RNF213: variants seen among roughly 807,000 people sequenced by gnomAD.
RNF213 encodes E3 ubiquitin-protein ligase RNF213.
A neutral mutation model predicts 514.4 loss-of-function variants in RNF213; 341 were observed. The observed-to-expected ratio is 0.66, with a 90% CI of 0.61 to 0.73. RNF213 has a LOEUF of 0.73. RNF213 is among the 30% of genes least tolerant of loss of function. The pLI is 0.00. For synonymous variants in RNF213, 2,655 were observed against 2,658.2 expected (o/e 1.00, Z 0.04); for missense variants, 5,767 against 6,615.6 (o/e 0.87, Z 4.45).
intron 22 of RNF213, among the ~76,000 whole-genome samples, chr17:80,335,448 G>A (rs2077962087): frequency 6.6e-6 from 1 of 152,106 alleles, no homozygotes; most frequent in African/African-American, 2.4e-5. Context: ...TTTCAGTGGT[G>A]GACTCTCTGG....
At chr17:80,327,684 A>G (rs918316773) in intron 18 of RNF213, 132 bp from the exon 19 acceptor site, 18 of 727,110 alleles carry the variant, frequency 2.5e-5, no homozygotes, top group Non-Finnish European at 3.8e-5. Context: ...GCATCTGGAG[A>G]CACTGGCCAG....
intron 42 of RNF213, among the ~76,000 whole-genome samples, chr17:80,365,923 G>C (rs188027943): frequency 2.6e-5 from 4 of 152,158 alleles, no homozygotes; most frequent in Admixed American, 2.6e-4. Flanking sequence ...TGGGAGGTTA[G>C]GAACGTGGGG....
In RNF213 at chr17:80,294,801, C is replaced by T. The variant is rs1287046507; in HGVS notation, c.1553C>T (p.Pro518Leu). The change falls in exon 9 of 68, where the codon CCG (proline) becomes CTG (leucine). Residue 518 changes from proline to leucine, a missense_variant. Physicochemically the swap from Pro to Leu is moderately conservative, Grantham distance 98. Coordinates refer to ENST00000582970, the MANE Select transcript of RNF213 (RefSeq NM_001256071.3). Reference sequence around the variant, plus strand: ...GTCATGAACCACATCACAGACGGGCCGAGGAAGGACCTGGTGAAGGGGAAG... The same window carrying T: ...GTCATGAACCACATCACAGACGGGCTGAGGAAGGACCTGGTGAAGGGGAAG... ...QKVMNHITDG[P>L]RKDLVKGKQI... The T allele has an allele frequency of 6.2e-6, 10 of 1,614,132 alleles. No individual in the cohort carries two copies. The highest frequency in any genetic ancestry group is 2.2e-5 in the East Asian group (1 of 44,886).
chr17:80,293,220 G>A (rs1246354670), intron 8 of RNF213, among the ~76,000 whole-genome samples: 1 of 151,826 alleles, frequency 6.6e-6, no homozygotes, highest in African/African-American at 2.4e-5. Flanking sequence ...ACCATGTCTG[G>A]CAAATTTTTC....
chr17:80,305,520 C>G (rs890139194), intron 11 of RNF213, among the ~76,000 whole-genome samples: 4 of 151,832 alleles, frequency 2.6e-5, no homozygotes, highest in Non-Finnish European at 5.9e-5. Flanking sequence ...CCTTGTAGAA[C>G]AGGGCTACCC....
At chr17:80,281,187 CAT>C (rs766973852) in intron 3 of RNF213, among the ~76,000 whole-genome samples, 11 of 130,682 alleles carry the variant, frequency 8.4e-5, no homozygotes, top group Non-Finnish European at 1.8e-4. Flanking sequence ...TCCACACACA[CAT>C]ACCCCACTCA....
intron 10 of RNF213, 73 bp from the exon 11 acceptor site, chr17:80,298,248 T>G: frequency 4.6e-6 from 7 of 1,510,528 alleles, no homozygotes; most frequent in Non-Finnish European, 6.4e-6. Flanking sequence ...TGCTTCCTGT[T>G]GGGACTCCAG....
intron 29 of RNF213, among the ~76,000 whole-genome samples, chr17:80,349,055 A>G (rs2078410634): frequency 6.6e-6 from 1 of 151,910 alleles, no homozygotes; most frequent in African/African-American, 2.4e-5. Flanking sequence ...ACCGAGAGAT[A>G]CTCAGGAGGC....
In RNF213 at chr17:80,377,700, T is replaced by G; in HGVS notation, c.13511-62T>G. On this transcript the variant is annotated intron_variant, in intron 53 of 67. Transcript: ENST00000582970. This position sits in a 1 kb window ranked among gnomAD's most constrained non-coding sequence, Gnocchi z 4.1. ...CAGAGAGTAGAGAGTTAGCTTTCCCTTTTCAATGTGGGTCATTGGGTGAAA... is the reference window on the plus strand; with the variant it reads ...CAGAGAGTAGAGAGTTAGCTTTCCCGTTTCAATGTGGGTCATTGGGTGAAA... The G allele has an allele frequency of 6.3e-7, 1 of 1,587,212 alleles. No individual in the cohort carries two copies. Among genetic ancestry groups the G allele is most frequent in the Non-Finnish European group, 8.7e-7 (1 of 1,155,442 alleles).
intron 16 of RNF213, 39 bp from the exon 17 acceptor site, chr17:80,319,151 T>C: frequency 6.2e-7 from 1 of 1,614,116 alleles, no homozygotes; most frequent in Non-Finnish European, 8.5e-7. Context: ...GAGCGCTGCA[T>C]CCGAAAGCTC....
At chr17:80,262,361 C>T (rs528606482) in intron 1 of RNF213, among the ~76,000 whole-genome samples, 6 of 152,324 alleles carry the variant, frequency 3.9e-5, no homozygotes, top group African/African-American at 1.4e-4. Context: ...AAAGAGAAGA[C>T]TGCAGAAGAC....
chr17:80,278,840 C>A, intron 3 of RNF213: 26 of 1,537,176 alleles, frequency 1.7e-5, no homozygotes, highest in Non-Finnish European at 2.3e-5. Context: ...AATGCCATAC[C>A]CAGCAAGAGA....
At position 80,343,648 on chromosome 17, in the gene RNF213, T is replaced by A. The variant is rs1384580069; in HGVS notation, c.6184-209T>A. Among the ~76,000 whole-genome samples the A allele has an allele frequency of 5.3e-5, 8 of 152,214 alleles. No individual in the cohort carries two copies. The highest frequency in any genetic ancestry group is 9.7e-5 in the African/African-American group (4 of 41,450). Reference sequence around the variant, plus strand: ...GGAGCCAATTGTAAAACGGTGTATTTATGTGTCTAAACATAAAAATGGTAC... The same window carrying A: ...GGAGCCAATTGTAAAACGGTGTATTAATGTGTCTAAACATAAAAATGGTAC... On this transcript the variant is annotated intron_variant, in intron 27 of 67. Coordinates refer to ENST00000582970, the MANE Select transcript of RNF213 (RefSeq NM_001256071.3). The surrounding 1 kb of genome is among the most constrained non-coding windows in gnomAD (Gnocchi z 4.3).
chr17:80,354,148 G>A lies in RNF213; in HGVS notation c.10708G>A (p.Glu3570Lys). 3 of 1,613,976 alleles carry A rather than the reference G, an allele frequency of 1.9e-6. No homozygotes were observed. The highest frequency in any genetic ancestry group is 1.7e-4 in the Middle Eastern group (1 of 6,010). ...RVVLLLGLLN[E>K]DDACHASFLR... ...GGTGCTCCTCCTGGGCCTCTTGAAT[G>A]AGGATGACGCGTGCCACGGTATGAG... is the stretch of plus-strand genomic sequence containing the variant. Residue 3570 changes from glutamate (E) to lysine (K), a missense_variant, in exon 35 of 68, where the codon GAG becomes AAG. Physicochemically the swap from Glu to Lys is moderately conservative, Grantham distance 56. Around this residue, in one of 13 missense-constraint regions of RNF213, gnomAD observed 919 missense variants for 1,121.0 expected, o/e 0.82. Coordinates refer to ENST00000582970, the MANE Select transcript of RNF213 (RefSeq NM_001256071.3).
chr17:80,350,589 A>G (rs552991791), intron 31 of RNF213, among the ~76,000 whole-genome samples, 193 bp downstream of exon 31: 4 of 152,246 alleles, frequency 2.6e-5, no homozygotes, highest in Non-Finnish European at 2.9e-5. Flanking sequence ...GGCCAATAAC[A>G]TTACAAAAAT....
At chr17:80,366,672 A>G (rs894093453) in intron 42 of RNF213, among the ~76,000 whole-genome samples, 24 of 152,170 alleles carry the variant, frequency 1.6e-4, no homozygotes, top group Non-Finnish European at 3.4e-4. Flanking sequence ...TCAAAATAAA[A>G]AAAAAAAAAT....
chr17:80,331,843 G>A (rs758269591), intron 20 of RNF213, among the ~76,000 whole-genome samples, 163 bp from the exon 21 acceptor site: 3 of 152,192 alleles, frequency 2.0e-5, no homozygotes, highest in East Asian at 1.9e-4. Context: ...AAGGCCAAGC[G>A]GGGAGGGAAA....
At chr17:80,285,297 T>C (rs1272436814) in intron 3 of RNF213, among the ~76,000 whole-genome samples, 1 of 152,136 alleles carries the variant, frequency 6.6e-6, no homozygotes, top group Non-Finnish European at 1.5e-5. Flanking sequence ...TGCCCAGCCA[T>C]TGTAGCATGG....
At position 80,361,796 on chromosome 17, in the gene RNF213, C is replaced by T. The variant is rs776195392; in HGVS notation, c.11263C>T (p.Leu3755Phe). 19 of 1,613,990 alleles carry T rather than the reference C, an allele frequency of 1.2e-5. No homozygotes were observed. In the African/African-American group the frequency reaches 2.5e-4, roughly 22 times the overall value. ...TCCTCTGGGCAGGTTTCTTGCCCAG[C>T]TCCATGGAGAGCCGCAGCAGGAACT... ...QTPLGRFLAQ[L>F]HGEPQQELLQ... The change falls in exon 39 of 68, where the codon CTC (leucine) becomes TTC (phenylalanine). Residue 3755 changes from leucine to phenylalanine, a missense_variant. Leu to Phe is a conservative substitution (Grantham distance 22). Transcript: ENST00000582970.
Sources: allele counts gnomAD v4.1 joint callset (sites outside exome capture counted in the v4.1 genomes callset), GRCh38; gene constraint gnomAD v4.1.1; regional missense constraint gnomAD v4.1.1; non-coding constraint Gnocchi (gnomAD v3.1); transcripts MANE v1.5; gene names NCBI Gene and HGNC (gene_info 2026-07-23, HGNC 2026-07-21).